Variants in STARD13 observed in about 807,000 individuals in gnomAD.
STARD13 encodes StAR related lipid transfer domain containing 13.
STARD13 carries 62 observed loss-of-function variants against 106.4 expected under a neutral mutation model. The ratio of observed to expected loss-of-function variants is 0.58; its 90% CI spans 0.48 to 0.72. The LOEUF (loss-of-function observed/expected upper bound fraction) is 0.72. STARD13 is among the 30% of genes least tolerant of loss of function. The pLI, the probability that STARD13 is intolerant of heterozygous loss-of-function variation, is 0.00. For missense variants in STARD13, 1,387 were observed against 1,424.0 expected (o/e 0.97, Z 0.42); for synonymous variants, 565 against 553.0 (o/e 1.02, Z -0.31).
intron 1 of STARD13, among the ~76,000 whole-genome samples, chr13:33,251,450 G>A (rs1467755982): frequency 6.6e-6 from 1 of 152,190 alleles, no homozygotes; most frequent in Non-Finnish European, 1.5e-5. Context: ...TCATTCCCCA[G>A]CTGTGGCCAT....
the STARD13 span, among the ~76,000 whole-genome samples, chr13:33,641,600 A>G: frequency 6.6e-6 from 1 of 152,096 alleles, no homozygotes; most frequent in South Asian, 2.1e-4. Context: ...TTGCTTATGA[A>G]ACTACTTCTG....
chr13:33,449,832 A>T, the STARD13 span, among the ~76,000 whole-genome samples: 67 of 151,876 alleles, frequency 4.4e-4, no homozygotes, highest in African/African-American at 1.6e-3. Flanking sequence ...TTCCTAGGTA[A>T]TTTTTTGTAG....
At chr13:33,603,029 G>A in the STARD13 span, among the ~76,000 whole-genome samples, 2 of 152,126 alleles carry the variant, frequency 1.3e-5, no homozygotes, top group African/African-American at 2.4e-5. Context: ...ACTTATATTT[G>A]TTTTAAGAGT....
At chr13:33,419,614 A>T in the STARD13 span, among the ~76,000 whole-genome samples, 3 of 152,222 alleles carry the variant, frequency 2.0e-5, no homozygotes, top group African/African-American at 7.2e-5. Context: ...GAACACCAGA[A>T]AGATACTCTT....
At chr13:33,465,918 C>CTA in the STARD13 span, among the ~76,000 whole-genome samples, 2 of 151,938 alleles carry the variant, frequency 1.3e-5, no homozygotes, top group Non-Finnish European at 2.9e-5. Context: ...TTATATATAC[C>CTA]TATATATATG....
At chr13:33,458,962 A>G in the STARD13 span, among the ~76,000 whole-genome samples, 1 of 151,868 alleles carries the variant, frequency 6.6e-6, no homozygotes, top group Non-Finnish European at 1.5e-5. Context: ...CTGGGATTAC[A>G]GGCACACACC....
intron 1 of STARD13, among the ~76,000 whole-genome samples, chr13:33,201,125 C>T (rs1441463626): frequency 6.6e-6 from 1 of 151,972 alleles, no homozygotes; most frequent in Non-Finnish European, 1.5e-5. Context: ...AAGCAATGTG[C>T]TTCTCTGCAC....
intron 1 of STARD13, among the ~76,000 whole-genome samples, chr13:33,171,085 C>T (rs1883902918): frequency 6.6e-6 from 1 of 152,210 alleles, no homozygotes; most frequent in South Asian, 2.1e-4. Flanking sequence ...ATTTAAATGA[C>T]ATTTGAGGAG....
chr13:33,543,547 T>G, the STARD13 span, among the ~76,000 whole-genome samples: 2 of 152,250 alleles, frequency 1.3e-5, no homozygotes, highest in Admixed American at 6.5e-5. Flanking sequence ...ATTGGAATGG[T>G]GCTGTGGATA....
intron 3 of STARD13, among the ~76,000 whole-genome samples, chr13:33,145,032 T>G (rs539895441): frequency 6.6e-5 from 10 of 152,354 alleles, no homozygotes; most frequent in African/African-American, 1.9e-4. Context: ...AGATTTGACT[T>G]TATAGCTCTG....
chr13:33,577,884 C>G, the STARD13 span, among the ~76,000 whole-genome samples: 1 of 151,978 alleles, frequency 6.6e-6, no homozygotes, highest in African/African-American at 2.4e-5. Context: ...AAATTCAAAA[C>G]TTCTGTTTTG....
intron 8 of STARD13, chr13:33,117,815 C>G (rs967657740): frequency 1.0e-6 from 1 of 982,848 alleles, no homozygotes; most frequent in Non-Finnish European, 1.2e-6. Context: ...TGTTTTAGAT[C>G]ATACACAAAA....
chr13:33,117,509 G>A (rs911399712), intron 8 of STARD13: 5 of 552,768 alleles, frequency 9.0e-6, no homozygotes, highest in Non-Finnish European at 1.1e-5. Flanking sequence ...AATTATACAG[G>A]CTTTGCTGAG....
chr13:33,577,237 C>T, the STARD13 span, among the ~76,000 whole-genome samples: 12 of 152,128 alleles, frequency 7.9e-5, no homozygotes, highest in Non-Finnish European at 1.2e-4. Context: ...CATGTTTTAT[C>T]GTGTTGCTGA....
chr13:33,525,717 T>C, the STARD13 span, among the ~76,000 whole-genome samples: 1 of 152,100 alleles, frequency 6.6e-6, no homozygotes, highest in Non-Finnish European at 1.5e-5. Flanking sequence ...CTGGAGAAAG[T>C]ATCAGATCTG....
the STARD13 span, chr13:33,659,753 A>G: frequency 7.9e-5 from 12 of 152,178 alleles, no homozygotes; most frequent in African/African-American, 2.4e-4. Flanking sequence ...TTTAAAATTT[A>G]TCTTTCAGGC....
At chr13:33,189,873 A>G (rs1442899568) in intron 1 of STARD13, among the ~76,000 whole-genome samples, 1 of 152,060 alleles carries the variant, frequency 6.6e-6, no homozygotes, top group African/African-American at 2.4e-5. Flanking sequence ...ACCACCTGAA[A>G]CAGCATCTTA....
At chr13:33,407,742 C>T in the STARD13 span, among the ~76,000 whole-genome samples, 1 of 152,118 alleles carries the variant, frequency 6.6e-6, no homozygotes, top group Non-Finnish European at 1.5e-5. Flanking sequence ...AAAAGCTTGG[C>T]CTGGGAGTTA....
the STARD13 span, among the ~76,000 whole-genome samples, chr13:33,392,934 CTTTG>C: frequency 6.6e-6 from 1 of 152,148 alleles, no homozygotes; most frequent in East Asian, 1.9e-4. Flanking sequence ...TAGAATTGCG[CTTTG>C]TTTAATTACT....
Sources: gnomAD v4.1 joint callset for allele counts (sites outside exome capture counted in the v4.1 genomes callset) on GRCh38, gnomAD v4.1.1 for gene constraint, MANE v1.5 for transcripts, NCBI Gene and HGNC (gene_info 2026-07-23, HGNC 2026-07-21) for gene names.